Variants in SYNPO2 observed in about 807,000 individuals in gnomAD.
SYNPO2 encodes synaptopodin 2.
A neutral mutation model predicts 85.0 loss-of-function variants in SYNPO2; 56 were observed. That is an observed-to-expected ratio of 0.66 (90% confidence interval 0.53 to 0.82). The LOEUF (loss-of-function observed/expected upper bound fraction) is 0.82, where lower values mean the gene tolerates loss of function less well. Ranked by LOEUF, SYNPO2 falls within the 40% of genes least tolerant of loss-of-function variation. The probability of loss-of-function intolerance (pLI) is 0.00; values close to 1 mark genes in which losing one functional copy is unlikely to be tolerated. For missense variants in SYNPO2, 1,575 were observed against 1,534.2 expected, an observed-to-expected ratio of 1.03 and a Z score of -0.44; for synonymous variants, 602 against 591.1, an observed-to-expected ratio of 1.02 and a Z score of -0.27.
At chr4:118,982,960 G>C (rs922665232) in intron 1 of SYNPO2, among the ~76,000 whole-genome samples, 1 of 129,234 alleles carries the variant, frequency 7.7e-6, no homozygotes, top group African/African-American at 2.5e-5. Flanking sequence ...ACTCAGATGA[G>C]TAGCTTCTTT....
chr4:118,905,923 C>T (rs540665408), intron 1 of SYNPO2, among the ~76,000 whole-genome samples: 1 of 152,156 alleles, frequency 6.6e-6, no homozygotes, highest in Non-Finnish European at 1.5e-5. Context: ...GGGGCTTGTT[C>T]CTCACTGGTA....
At chr4:118,916,736 T>TTC (rs2149126529) in intron 1 of SYNPO2, among the ~76,000 whole-genome samples, 1 of 145,940 alleles carries the variant, frequency 6.9e-6, no homozygotes, top group East Asian at 2.0e-4. Flanking sequence ...TTTCTTTTTT[T>TTC]TTTTTTTTTT....
intron 4 of SYNPO2, among the ~76,000 whole-genome samples, chr4:119,041,704 A>G (rs1329330529): frequency 1.3e-5 from 2 of 152,246 alleles, no homozygotes; most frequent in Non-Finnish European, 2.9e-5. Context: ...TTAATTTTAC[A>G]TTGAATGAAC....
chr4:118,994,435 GC>G (rs1210351110), intron 1 of SYNPO2, among the ~76,000 whole-genome samples: 2 of 152,182 alleles, frequency 1.3e-5, no homozygotes, highest in Admixed American at 6.5e-5. Flanking sequence ...TATTAGTTGA[GC>G]CCTGTTTTGA....
intron 1 of SYNPO2, among the ~76,000 whole-genome samples, chr4:118,861,354 G>A (rs1330321146): frequency 1.3e-5 from 2 of 152,006 alleles, no homozygotes; most frequent in Non-Finnish European, 2.9e-5. Context: ...TGTATTTTTA[G>A]TAGAGGCAGG....
At chr4:118,935,798 AAAGT>A (rs1236160764) in intron 1 of SYNPO2, among the ~76,000 whole-genome samples, 2 of 152,228 alleles carry the variant, frequency 1.3e-5, no homozygotes, top group Non-Finnish European at 1.5e-5. Context: ...TTTTTACAAT[AAAGT>A]AAGTTAGAGA....
At chr4:119,051,887 C>A (rs1739061035) in intron 4 of SYNPO2, among the ~76,000 whole-genome samples, 1 of 152,092 alleles carries the variant, frequency 6.6e-6, no homozygotes, top group African/African-American at 2.4e-5. Flanking sequence ...AAACCTTCAG[C>A]CAGGTCCAAG....
intron 1 of SYNPO2, among the ~76,000 whole-genome samples, chr4:118,992,655 T>C (rs1736456374): frequency 6.6e-6 from 1 of 152,128 alleles, no homozygotes; most frequent in South Asian, 2.1e-4. Context: ...GGCAGTAAGT[T>C]AGGACTCCTC....
chr4:119,002,032 A>G (rs369648400), intron 1 of SYNPO2, among the ~76,000 whole-genome samples: 4 of 152,100 alleles, frequency 2.6e-5, no homozygotes, highest in Non-Finnish European at 5.9e-5. Context: ...TCCCAATATA[A>G]TTATATTTTG....
chr4:118,878,971 T>C (rs995024583), intron 1 of SYNPO2, among the ~76,000 whole-genome samples: 1 of 152,186 alleles, frequency 6.6e-6, no homozygotes, highest in African/African-American at 2.4e-5. Flanking sequence ...TAACACTCAC[T>C]GCGAAGGTCT....
intron 1 of SYNPO2, among the ~76,000 whole-genome samples, chr4:119,008,530 T>C (rs1190414325): frequency 6.6e-6 from 1 of 152,112 alleles, no homozygotes; most frequent in East Asian, 1.9e-4. Context: ...TGATATGTTA[T>C]TATAAAAGAT....
Position 118,946,637 on chromosome 4 carries a change from T to G in SYNPO2, c.105+57496T>G, listed in dbSNP as rs143491603. On this transcript the variant is annotated intron_variant, in intron 1 of 4. Transcript: ENST00000307142. Reference sequence around the variant, plus strand: ...TGAAAGCAGTAACTGATGATCCCTTTTATGTTCTTTATTTTTTAGAATTGG... The same window carrying G: ...TGAAAGCAGTAACTGATGATCCCTTGTATGTTCTTTATTTTTTAGAATTGG... Among the ~76,000 whole-genome samples, 747 of 152,340 alleles carry G rather than the reference T, an allele frequency of 4.9e-3. 7 individuals are homozygous for G. Among genetic ancestry groups the G allele is most frequent in the African/African-American group, 0.016 (646 of 41,576 alleles).
intron 1 of SYNPO2, among the ~76,000 whole-genome samples, chr4:118,993,717 G>A (rs116712494): frequency 0.011 from 1,617 of 152,234 alleles, 35 homozygotes; most frequent in African/African-American, 0.036. Flanking sequence ...CTGTTTAACT[G>A]ATTTCAGAGT....
rs1270991080 is a variant in SYNPO2 at position 118,876,717 on chromosome 4, CTTTCTTTCTTTCT to C, written c.12+25780_12+25792del. ...TCTTTCTTTCTTTCTTTCTTTCTTT[CTTTCTTTCTTTCT>C]TTCTTTCTGCCTTTCTCTGTCTCTC... On this transcript the variant is annotated intron_variant, in intron 1 of 4. Transcript: ENST00000610556. Among the ~76,000 whole-genome samples, 19 of 119,708 alleles carry C rather than the reference CTTTCTTTCTTTCT, an allele frequency of 1.6e-4. No homozygotes were observed. The East Asian group carries it at 4.4e-3, about 28-fold the overall frequency. 78.5% of individuals were successfully genotyped at this position (119,708 alleles called of 152,430 possible).
chr4:119,059,847 A>C lies in SYNPO2; in HGVS notation c.*1913A>C, dbSNP rs1438888191. On this transcript the variant is annotated 3_prime_UTR_variant, in exon 5 of 5. Transcript: ENST00000307142. ...AGAAAAGAAACGATAAATACTTTCC[A>C]AGGTTATATTGTTAAATTATCTTAA... is the stretch of plus-strand genomic sequence containing the variant. 2 of 152,160 alleles carry C rather than the reference A, an allele frequency of 1.3e-5. No homozygotes were observed. The highest frequency in any genetic ancestry group is 2.9e-5 in the Non-Finnish European group (2 of 68,024). The allele number at this position is 152,160 out of a possible 1,614,324, so 9.4% of individuals were successfully genotyped here.
intron 1 of SYNPO2, among the ~76,000 whole-genome samples, chr4:118,867,732 A>G (rs980323492): frequency 1.5e-4 from 18 of 116,872 alleles, no homozygotes; most frequent in African/African-American, 4.0e-4. Context: ...TCCTTGGTCA[A>G]AACAATTTTC....
chr4:119,024,298 T>G (rs1361239757), intron 2 of SYNPO2, among the ~76,000 whole-genome samples: 1 of 152,238 alleles, frequency 6.6e-6, no homozygotes, highest in African/African-American at 2.4e-5. Context: ...CAATCCATAC[T>G]GATTTTGCAA....
At chr4:119,023,245 A>G (rs1356580577) in intron 1 of SYNPO2, among the ~76,000 whole-genome samples, 185 bp from the exon 2 acceptor site, 1 of 152,094 alleles carries the variant, frequency 6.6e-6, no homozygotes, top group Admixed American at 6.6e-5. Context: ...ATGGTACATG[A>G]TAAAGTGTGT....
At chr4:119,010,238 T>C (rs751693192) in intron 1 of SYNPO2, among the ~76,000 whole-genome samples, 3 of 152,180 alleles carry the variant, frequency 2.0e-5, no homozygotes, top group Non-Finnish European at 2.9e-5. Flanking sequence ...AGTGTATTAG[T>C]CTGTTTTCAC....
Sources: allele counts gnomAD v4.1 joint callset (sites outside exome capture counted in the v4.1 genomes callset), GRCh38; gene constraint gnomAD v4.1.1; transcripts MANE v1.5; gene names NCBI Gene and HGNC (gene_info 2026-07-23, HGNC 2026-07-21).